SHANK2: variants seen among roughly 807,000 people sequenced by gnomAD.
SHANK2 encodes the protein SH3 and multiple ankyrin repeat domains 2, also known as SH3 and multiple ankyrin repeat domains protein 2.
SHANK2 carries 43 observed loss-of-function variants against 133.7 expected under a neutral mutation model. The observed-to-expected ratio is 0.32, with a 90% CI of 0.25 to 0.41. The LOEUF (loss-of-function observed/expected upper bound fraction) is 0.41. SHANK2 is among the 10% of genes least tolerant of loss of function. SHANK2 has a pLI of 1.00. For synonymous variants in SHANK2, 1,017 were observed against 952.8 expected (o/e 1.07, Z -1.24); for missense variants, 1,994 against 2,235.8 (o/e 0.89, Z 2.18).
At chr11:70,554,051 G>A (rs1423519055) in intron 17 of SHANK2, among the ~76,000 whole-genome samples, 6 of 152,222 alleles carry the variant, frequency 3.9e-5, no homozygotes, top group African/African-American at 1.2e-4. Context: ...AGTCCCCGCT[G>A]GGGATGACAA....
intron 12 of SHANK2, among the ~76,000 whole-genome samples, chr11:70,812,025 A>G (rs1948292287): frequency 1.3e-5 from 2 of 152,250 alleles, no homozygotes; most frequent in South Asian, 2.1e-4. Context: ...AGTAACTGTG[A>G]TAACGCACTC....
chr11:71,069,414 A>T (rs1951113171), intron 9 of SHANK2, among the ~76,000 whole-genome samples: 1 of 151,866 alleles, frequency 6.6e-6, no homozygotes, highest in Admixed American at 6.6e-5. Context: ...CAGCCTCACC[A>T]TCACCACCTT....
chr11:70,500,860 CA>C lies in SHANK2; in HGVS notation c.2288-271del. 1 of 699,026 alleles carries C rather than the reference CA, an allele frequency of 1.4e-6. No individual in the cohort carries two copies. Among genetic ancestry groups the C allele is most frequent in the Admixed American group, 2.0e-5 (1 of 49,216 alleles). 43.3% of individuals were successfully genotyped at this position (699,026 alleles called of 1,614,324 possible). On this transcript the variant is annotated intron_variant, in intron 20 of 25. Transcript: ENST00000601538. The surrounding 1 kb of genome is among the most constrained non-coding windows in gnomAD (Gnocchi z 4.5). ...GTGGAAAGGGGCTTTCCTTCTTCCT[CA>C]GCACCCCTTGTCCCACCAGCACCCT...
chr11:71,086,857 C>T lies in SHANK2; in HGVS notation c.912+5565G>A, dbSNP rs979865531. ...CTTATCATCTGATAGGCACAAGGGC[C>T]CTGCAGATGAATGAGAGGAGGCTCG... On this transcript the variant is annotated intron_variant, in intron 8 of 25. Transcript: ENST00000601538. 4.9e-3 allele frequency among the ~76,000 whole-genome samples: 750 copies of T among 152,248 alleles called. 4 individuals are homozygous for T. The highest frequency in any genetic ancestry group is 0.01 in the Middle Eastern group (3 of 294).
intron 25 of SHANK2, among the ~76,000 whole-genome samples, chr11:70,480,231 C>T (rs892343481): frequency 2.6e-5 from 4 of 152,202 alleles, no homozygotes; most frequent in African/African-American, 9.7e-5. Flanking sequence ...CTCTCTGTCC[C>T]GTGCCTGGGA....
At chr11:70,677,846 G>C (rs992075058) in intron 15 of SHANK2, among the ~76,000 whole-genome samples, 1 of 152,302 alleles carries the variant, frequency 6.6e-6, no homozygotes, top group African/African-American at 2.4e-5. Context: ...CAAACTTCTC[G>C]CTGAGGAAGA....
chr11:71,103,806 T>G (rs1411171630), intron 6 of SHANK2, among the ~76,000 whole-genome samples: 1 of 151,434 alleles, frequency 6.6e-6, no homozygotes, highest in African/African-American at 2.4e-5. Flanking sequence ...GATCTGATTG[T>G]TTAAAGGTGT....
chr11:70,605,576 G>C (rs1554992094), intron 17 of SHANK2, among the ~76,000 whole-genome samples: 1 of 152,202 alleles, frequency 6.6e-6, no homozygotes, highest in Non-Finnish European at 1.5e-5. Flanking sequence ...CTTATTTTTA[G>C]CCATTTCCAC....
intron 2 of SHANK2, among the ~76,000 whole-genome samples, chr11:71,167,538 G>A (rs1388321482): frequency 3.4e-3 from 427 of 125,022 alleles, no homozygotes; most frequent in Middle Eastern, 0.015. Context: ...GGCCGGGCGG[G>A]GGGCTGACCC....
At chr11:71,098,536 A>C (rs1951666325) in intron 6 of SHANK2, among the ~76,000 whole-genome samples, 1 of 152,268 alleles carries the variant, frequency 6.6e-6, no homozygotes, top group African/African-American at 2.4e-5. Flanking sequence ...GTGAGAGAAG[A>C]CCACAGAACA....
chr11:71,143,121 G>A (rs1444025782), intron 3 of SHANK2, among the ~76,000 whole-genome samples: 1 of 152,232 alleles, frequency 6.6e-6, no homozygotes, highest in Non-Finnish European at 1.5e-5. Flanking sequence ...TGAAATCCCA[G>A]CAACTTGGGA....
In SHANK2 at chr11:70,945,762, C is replaced by G. The variant is rs1950715872; in HGVS notation, c.1108-49195G>C. On this transcript the variant is annotated intron_variant, in intron 10 of 25. Coordinates refer to ENST00000601538, the MANE Select transcript of SHANK2 (RefSeq NM_012309.5). ...AGGTTACCACCAAAGCTGCAGGTGCCTGGGGATGCAGCACCCCTGAGTGGG... is the reference window on the plus strand; with the variant it reads ...AGGTTACCACCAAAGCTGCAGGTGCGTGGGGATGCAGCACCCCTGAGTGGG... Among the ~76,000 whole-genome samples the G allele has an allele frequency of 2.0e-5, 3 of 152,298 alleles. No individual in the cohort carries two copies. In the South Asian group the frequency reaches 6.2e-4, roughly 32 times the overall value.
At chr11:71,248,217 C>T (rs1954988454) in intron 1 of SHANK2, among the ~76,000 whole-genome samples, 1 of 152,238 alleles carries the variant, frequency 6.6e-6, no homozygotes. Flanking sequence ...GTACTGGCGC[C>T]ATGGCCAAGG....
Position 70,486,049 on chromosome 11 carries a change from A to G in SHANK2, c.4244T>C (p.Leu1415Pro). ...GATATCAAAACTATTTGCAAATTCC[A>G]GGGGAGGAGGCAATGGCTCTGTAAA... ...FIFTEPLPPP[L>P]EFANSFDIPD... Residue 1415 changes from leucine to proline, a missense_variant, in exon 25 of 26, where the codon CTG becomes CCG. Around this residue, in one of 5 missense-constraint regions of SHANK2, gnomAD observed 797 missense variants for 907.4 expected, o/e 0.88. Transcript: ENST00000601538. This position sits in a 1 kb window ranked among gnomAD's most constrained non-coding sequence, Gnocchi z 8.0. 1.2e-6 allele frequency: 2 copies of G among 1,614,032 alleles called. No individual in the cohort carries two copies. Among genetic ancestry groups the G allele is most frequent in the Non-Finnish European group, 1.7e-6 (2 of 1,180,030 alleles).
chr11:70,607,564 C>T (rs2060595746), intron 17 of SHANK2, among the ~76,000 whole-genome samples: 8 of 152,206 alleles, frequency 5.3e-5, no homozygotes, highest in Admixed American at 5.2e-4. Flanking sequence ...TCCCTGGGCC[C>T]ACGGGTCCAG....
intron 7 of SHANK2, among the ~76,000 whole-genome samples, chr11:71,093,245 C>T (rs781968949): frequency 6.6e-6 from 1 of 152,082 alleles, no homozygotes; most frequent in African/African-American, 2.4e-5. Context: ...GCAACATTTG[C>T]GGAAGAGAGA....
chr11:70,667,048 C>T (rs1404487524), intron 15 of SHANK2, among the ~76,000 whole-genome samples: 2 of 151,988 alleles, frequency 1.3e-5, no homozygotes, highest in Non-Finnish European at 1.5e-5. Flanking sequence ...GTGCACTGTA[C>T]AACTATGGAG....
At chr11:71,112,214 C>T (rs925246771) in intron 5 of SHANK2, among the ~76,000 whole-genome samples, 3 of 152,096 alleles carry the variant, frequency 2.0e-5, no homozygotes, top group Admixed American at 6.5e-5. Flanking sequence ...GCCAACGTGG[C>T]AAAACCCCAT....
chr11:70,720,338 G>C (rs1201823297), intron 14 of SHANK2, among the ~76,000 whole-genome samples: 1 of 152,234 alleles, frequency 6.6e-6, no homozygotes, highest in Non-Finnish European at 1.5e-5. Context: ...AGAGGCTACA[G>C]AGAATGAGCC....
Sources: gnomAD v4.1 joint callset for allele counts (sites outside exome capture counted in the v4.1 genomes callset) on GRCh38, gnomAD v4.1.1 for gene constraint, gnomAD v4.1.1 regional missense constraint, Gnocchi (gnomAD v3.1) non-coding constraint, MANE v1.5 for transcripts, NCBI Gene and HGNC (gene_info 2026-07-23, HGNC 2026-07-21) for gene names.